The following VEZT variants were observed in gnomAD, a reference collection of about 807,000 sequenced individuals.
VEZT encodes the protein vezatin, adherens junctions transmembrane protein, also known as vezatin.
VEZT carries 39 observed loss-of-function variants against 79.9 expected under a neutral mutation model. The ratio of observed to expected loss-of-function variants is 0.49; its 90% CI spans 0.38 to 0.64. The LOEUF (loss-of-function observed/expected upper bound fraction) is 0.64, where lower values mean the gene tolerates loss of function less well. Among genes scored for constraint, VEZT ranks in the 30% least tolerant of loss-of-function variants. The probability of loss-of-function intolerance (pLI) is 0.00; values close to 1 mark genes in which losing one functional copy is unlikely to be tolerated. For synonymous variants in VEZT, 325 were observed against 327.6 expected (o/e 0.99, Z 0.09); for missense variants, 837 against 893.1 (o/e 0.94, Z 0.80).
intron 7 of VEZT, among the ~76,000 whole-genome samples, chr12:95,279,404 A>G (rs1593932145): frequency 2.0e-5 from 3 of 152,324 alleles, no homozygotes. Flanking sequence ...TTATGAAGTC[A>G]TCTGTTTCCT....
rs201628210 is a variant in VEZT, at chr12:95,252,051, C to G, written c.148C>G (p.Pro50Ala). 29 of 1,607,646 alleles carry G rather than the reference C, an allele frequency of 1.8e-5. No homozygotes were observed. In the East Asian group the frequency reaches 6.3e-4, roughly 35 times the overall value. ...CACAACAGAGGGACAACAAAAGCCT[C>G]CTACAAGAGTCCTACCAAAAGTAAG... ...KCTTEGQQKPPTRVLPKQGIL... is the reference protein window; with the variant it reads ...KCTTEGQQKPATRVLPKQGIL... The change falls in exon 2 of 12, where the codon CCT becomes GCT. Residue 50 changes from proline to alanine, a missense_variant. Pro to Ala is a conservative substitution (Grantham distance 27). Coordinates refer to ENST00000436874, the MANE Select transcript of VEZT (RefSeq NM_017599.4).
At chr12:95,249,461 A>C (rs1253239590) in intron 1 of VEZT, among the ~76,000 whole-genome samples, 2 of 152,222 alleles carry the variant, frequency 1.3e-5, no homozygotes, top group African/African-American at 4.8e-5. Flanking sequence ...GGGTGATATC[A>C]AGATTAACCA....
chr12:95,240,073 G>GAAGGAAGGAAGA (rs1491323550), intron 1 of VEZT, among the ~76,000 whole-genome samples: 1,923 of 98,648 alleles, frequency 0.019, 29 homozygotes, highest in African/African-American at 0.029. Flanking sequence ...AGGAAGGAAG[G>GAAGGAAGGAAGA]AAGAAAAGAA....
intron 6 of VEZT, among the ~76,000 whole-genome samples, chr12:95,271,030 A>G (rs1313005577): frequency 3.3e-5 from 5 of 152,170 alleles, no homozygotes; most frequent in Admixed American, 3.3e-4. Flanking sequence ...ATCCTTATAC[A>G]AACCTTTGTA....
Position 95,287,773 on chromosome 12 carries a change from C to T in VEZT, c.1438C>T (p.Pro480Ser). 1 of 1,608,216 alleles carries T rather than the reference C, an allele frequency of 6.2e-7. No individual in the cohort carries two copies. The highest frequency in any genetic ancestry group is 1.1e-5 in the South Asian group (1 of 89,582). ...AGAACAGAAATTAAAGTTGATTCAG[C>T]CCCACGTTCAAGCAAGCAACAATTG... ...ILEQKLKLIQ[P>S]HVQASNNCWE... The change falls in exon 9 of 12, where the codon CCC (proline) becomes TCC (serine). Residue 480 changes from proline (P) to serine (S), a missense_variant. Physicochemically the swap from Pro to Ser is moderately conservative, Grantham distance 74. Coordinates refer to ENST00000436874, the MANE Select transcript of VEZT (RefSeq NM_017599.4).
At chr12:95,281,622 T>C (rs1441692191) in intron 7 of VEZT, among the ~76,000 whole-genome samples, 1 of 151,680 alleles carries the variant, frequency 6.6e-6, no homozygotes, top group East Asian at 1.9e-4. Flanking sequence ...CTCAGCTCAC[T>C]GTAACGTCTG....
intron 8 of VEZT, chr12:95,286,892 T>G: frequency 3.0e-6 from 1 of 332,342 alleles, no homozygotes; most frequent in East Asian, 7.8e-5. Flanking sequence ...CTGCTCTGGG[T>G]CATGGGTCTG....
At position 95,254,654 on chromosome 12, in the gene VEZT, C is replaced by G. The variant is rs1005884755; in HGVS notation, c.169-2496C>G. ...CCACCATGCCCGACCAATTTTTTTC[C>G]TAATTTGGGGAGAGCTAAATTTTAG... is the stretch of plus-strand genomic sequence containing the variant. On this transcript the variant is annotated intron_variant, in intron 2 of 11. Coordinates refer to ENST00000436874, the MANE Select transcript of VEZT (RefSeq NM_017599.4). Among the ~76,000 whole-genome samples, 9 of 152,166 alleles carry G rather than the reference C, an allele frequency of 5.9e-5. No individual in the cohort carries two copies. In the East Asian group the frequency reaches 1.5e-3, roughly 26 times the overall value.
intron 11 of VEZT, among the ~76,000 whole-genome samples, chr12:95,298,384 T>G (rs2074624572): frequency 6.6e-6 from 1 of 152,168 alleles, no homozygotes; most frequent in Non-Finnish European, 1.5e-5. Context: ...TGCAATCTGT[T>G]CATTCATATA....
intron 3 of VEZT, 22 bp downstream of exon 3, chr12:95,257,261 C>T (rs1255750579): frequency 6.4e-7 from 1 of 1,559,314 alleles, no homozygotes; most frequent in Non-Finnish European, 8.8e-7. Flanking sequence ...CTTCTTTTTG[C>T]CACTTTTCAG....
At chr12:95,275,987 A>AT (rs540518118) in intron 7 of VEZT, 17 of 152,310 alleles carry the variant, frequency 1.1e-4, no homozygotes, top group African/African-American at 4.1e-4. Flanking sequence ...TGCCAAGTAT[A>AT]TTGAAAGTTG....
At chr12:95,285,085 CAAAAAA>C (rs1165581329) in intron 8 of VEZT, among the ~76,000 whole-genome samples, 6 of 44,678 alleles carry the variant, frequency 1.3e-4, no homozygotes, top group African/African-American at 5.3e-4. Flanking sequence ...GACTCTGTCT[CAAAAAA>C]AAAAAAAAAA....
intron 1 of VEZT, among the ~76,000 whole-genome samples, chr12:95,235,515 G>T (rs1282684391): frequency 3.0e-5 from 4 of 135,348 alleles, no homozygotes; most frequent in South Asian, 2.5e-4. Flanking sequence ...CTCACCTCCC[G>T]GACGGGGCAG....
chr12:95,240,475 A>G (rs1385795668), intron 1 of VEZT, among the ~76,000 whole-genome samples: 1 of 152,180 alleles, frequency 6.6e-6, no homozygotes. Context: ...TTAAGGCTCT[A>G]CTGGAGTAAA....
Position 95,287,180 on chromosome 12 carries a change from G to A in VEZT, c.1329-484G>A, listed in dbSNP as rs148142121. Among the ~76,000 whole-genome samples the A allele has an allele frequency of 3.4e-3, 513 of 152,110 alleles. 1 individual carries two copies. Among genetic ancestry groups the A allele is most frequent in the Middle Eastern group, 0.027 (8 of 294 alleles). On this transcript the variant is annotated intron_variant, in intron 8 of 11. Coordinates refer to ENST00000436874, the MANE Select transcript of VEZT (RefSeq NM_017599.4). ...CTCTTTATAAGCTTTTTAAAAAATT[G>A]TGTCAAAGAATACATAACAAAAATT...
intron 1 of VEZT, among the ~76,000 whole-genome samples, chr12:95,223,905 CTTGAG>C (rs1472270604): frequency 1.3e-5 from 2 of 151,604 alleles, no homozygotes; most frequent in Non-Finnish European, 2.9e-5. Context: ...TTTTTAGCTT[CTTGAG>C]TTAAAAACCT....
chr12:95,248,698 A>G (rs571438224), intron 1 of VEZT, among the ~76,000 whole-genome samples: 17 of 152,108 alleles, frequency 1.1e-4, no homozygotes, highest in African/African-American at 3.4e-4. Context: ...TGAGTCTTTT[A>G]TTAGGAGAGG....
intron 1 of VEZT, among the ~76,000 whole-genome samples, chr12:95,220,457 A>G (rs1007647926): frequency 2.0e-5 from 3 of 152,136 alleles, no homozygotes; most frequent in African/African-American, 7.2e-5. Flanking sequence ...CTCTGCCCCA[A>G]AAAAATAAAA....
At chr12:95,277,478 G>T (rs951229989) in intron 7 of VEZT, among the ~76,000 whole-genome samples, 1 of 152,026 alleles carries the variant, frequency 6.6e-6, no homozygotes, top group African/African-American at 2.4e-5. Flanking sequence ...AAAAAAATGA[G>T]GAGAAAATAC....
Sources: allele counts gnomAD v4.1 joint callset (sites outside exome capture counted in the v4.1 genomes callset), GRCh38; gene constraint gnomAD v4.1.1; transcripts MANE v1.5; gene names NCBI Gene and HGNC (gene_info 2026-07-23, HGNC 2026-07-21).